TCF12: variants seen among roughly 807,000 people sequenced by gnomAD.
TCF12 encodes transcription factor 12, also known as DNA-binding protein HTF4.
A neutral mutation model predicts 86.0 loss-of-function variants in TCF12; 45 were observed. The ratio of observed to expected loss-of-function variants is 0.52; its 90% CI spans 0.41 to 0.67. The LOEUF is 0.67. TCF12 is among the 30% of genes least tolerant of loss of function. The pLI, the probability that TCF12 is intolerant of heterozygous loss-of-function variation, is 0.00. For synonymous variants in TCF12, 330 were observed against 299.6 expected (o/e 1.10, Z -1.05); for missense variants, 881 against 859.9 (o/e 1.02, Z -0.31).
rs1291893460 is a variant in TCF12, at chr15:57,286,294, AT to A, written c.*150del. On this transcript the variant is annotated 3_prime_UTR_variant, in exon 21 of 21. Transcript: ENST00000333725. ...ACTTGAACCAAGAAACTCAAATGTA[AT>A]CCTACGATCAAAGCAACTGGTCAAC... 5.0e-6 allele frequency: 1 copy of A among 198,404 alleles called. No homozygotes were observed. Among genetic ancestry groups the A allele is most frequent in the Non-Finnish European group, 1.0e-5 (1 of 95,454 alleles). The allele number at this position is 198,404 out of a possible 1,614,324, so 12.3% of individuals were successfully genotyped here. A position where few individuals can be genotyped will look rare whatever the true frequency, so the allele number is the denominator to read the frequency against.
chr15:57,194,212 C>T (rs1325336038), intron 7 of TCF12, among the ~76,000 whole-genome samples: 1 of 152,094 alleles, frequency 6.6e-6, no homozygotes, highest in Admixed American at 6.5e-5. Context: ...GTATCTTCTT[C>T]ATTTTAATTT....
At chr15:56,963,674 T>C (rs1282596294) in intron 3 of TCF12, among the ~76,000 whole-genome samples, 2 of 152,248 alleles carry the variant, frequency 1.3e-5, no homozygotes, top group Non-Finnish European at 2.9e-5. Flanking sequence ...AGGAGGTTCC[T>C]ACCCACAACC....
intron 5 of TCF12, among the ~76,000 whole-genome samples, chr15:57,124,755 G>A (rs1407087886): frequency 6.6e-6 from 1 of 151,672 alleles, no homozygotes; most frequent in African/African-American, 2.4e-5. Context: ...TCGGCTCACT[G>A]CAAGCTCCGT....
At chr15:57,155,631 CA>C (rs1424049438) in intron 5 of TCF12, among the ~76,000 whole-genome samples, 1 of 152,070 alleles carries the variant, frequency 6.6e-6, no homozygotes, top group East Asian at 1.9e-4. Context: ...CCCATCTCTA[CA>C]AAAATGTTGT....
At chr15:57,276,872 T>C (rs1421067103) in intron 19 of TCF12, among the ~76,000 whole-genome samples, 1 of 151,134 alleles carries the variant, frequency 6.6e-6, no homozygotes, top group East Asian at 1.9e-4. Context: ...TGGTGTGAGC[T>C]TGGCTCACTG....
At chr15:57,029,807 C>T (rs2066038792) in intron 3 of TCF12, among the ~76,000 whole-genome samples, 1 of 120,464 alleles carries the variant, frequency 8.3e-6, no homozygotes, top group Admixed American at 8.0e-5. Context: ...TTGGAGACTG[C>T]GTATAAATGT....
intron 5 of TCF12, among the ~76,000 whole-genome samples, chr15:57,093,208 T>G (rs1161813407): frequency 1.3e-5 from 2 of 152,178 alleles, no homozygotes; most frequent in African/African-American, 4.8e-5. Flanking sequence ...TACAATAAAT[T>G]ATTTGGCTAG....
intron 3 of TCF12, among the ~76,000 whole-genome samples, chr15:56,955,580 G>A (rs1464016133): frequency 1.3e-5 from 2 of 152,020 alleles, no homozygotes; most frequent in African/African-American, 2.4e-5. Context: ...ATAAAAAAAA[G>A]CATTTGTGGT....
intron 3 of TCF12, among the ~76,000 whole-genome samples, chr15:56,983,799 A>G (rs2063011395): frequency 6.6e-6 from 1 of 151,848 alleles, no homozygotes; most frequent in Non-Finnish European, 1.5e-5. Context: ...CCAGGATTCA[A>G]GATCAGCCTG....
chr15:56,931,865 G>A (rs552590683), intron 3 of TCF12, among the ~76,000 whole-genome samples: 1 of 152,264 alleles, frequency 6.6e-6, no homozygotes, highest in East Asian at 1.9e-4. Context: ...CTTTTCTGGT[G>A]GCTTTGCAAG....
intron 8 of TCF12, among the ~76,000 whole-genome samples, chr15:57,204,471 A>G (rs2057713196): frequency 6.6e-6 from 1 of 152,044 alleles, no homozygotes. Flanking sequence ...AAAAAGAAAA[A>G]GAAAAGAGGT....
At chr15:57,223,653 T>TTTTGTTTTTTTTTTG (rs1566940717) in intron 8 of TCF12, among the ~76,000 whole-genome samples, 66 of 135,374 alleles carry the variant, frequency 4.9e-4, no homozygotes, top group Non-Finnish European at 4.3e-4. Context: ...GTTTTTTTTT[T>TTTTGTTTTTTTTTTG]TTTTTTTTTT....
chr15:57,279,993 A>G (rs2061610681), intron 19 of TCF12, among the ~76,000 whole-genome samples: 1 of 146,460 alleles, frequency 6.8e-6, no homozygotes, highest in South Asian at 2.1e-4. Flanking sequence ...TCCCCAGTTC[A>G]AGTGATTCTC....
At chr15:57,119,255 G>A (rs1169986439) in intron 5 of TCF12, among the ~76,000 whole-genome samples, 4 of 151,840 alleles carry the variant, frequency 2.6e-5, no homozygotes, top group African/African-American at 9.7e-5. Flanking sequence ...ACCATGACTG[G>A]CTAATGGTGG....
At chr15:56,998,900 A>T (rs535929335) in intron 3 of TCF12, among the ~76,000 whole-genome samples, 1 of 152,154 alleles carries the variant, frequency 6.6e-6, no homozygotes, top group Non-Finnish European at 1.5e-5. Context: ...ATCTCCAAGT[A>T]CTTAGAAATT....
chr15:57,156,257 G>A (rs2593211), intron 5 of TCF12, among the ~76,000 whole-genome samples: 103,697 of 152,054 alleles, frequency 0.68, 37,645 homozygotes, highest in Non-Finnish European at 0.81. Context: ...TATTAATAGC[G>A]AAGAGTTGAT....
intron 3 of TCF12, among the ~76,000 whole-genome samples, chr15:56,924,194 C>G (rs1326156219): frequency 1.3e-5 from 2 of 152,078 alleles, no homozygotes; most frequent in African/African-American, 4.8e-5. Context: ...ACCCTTTACC[C>G]AGTTTCCTGC....
intron 3 of TCF12, among the ~76,000 whole-genome samples, chr15:56,998,800 C>G (rs1341684380): frequency 2.0e-5 from 3 of 151,996 alleles, no homozygotes; most frequent in African/African-American, 7.2e-5. Context: ...CAAACCTTAA[C>G]AAATTTAAAA....
intron 5 of TCF12, among the ~76,000 whole-genome samples, chr15:57,160,349 C>T (rs1407320187): frequency 6.6e-6 from 1 of 152,092 alleles, no homozygotes; most frequent in East Asian, 1.9e-4. Flanking sequence ...CTTATAAAAC[C>T]ATCAGATCTC....
Sources: gnomAD v4.1 joint callset for allele counts (sites outside exome capture counted in the v4.1 genomes callset) on GRCh38, gnomAD v4.1.1 for gene constraint, MANE v1.5 for transcripts, NCBI Gene and HGNC (gene_info 2026-07-23, HGNC 2026-07-21) for gene names.